Variants in ZNF385D observed in about 807,000 individuals in gnomAD.
ZNF385D encodes zinc finger protein 659.
Under a neutral mutation model 35.8 loss-of-function variants are expected in ZNF385D, and 15 were observed. The observed-to-expected ratio is 0.42, with a 90% CI of 0.28 to 0.64. ZNF385D has a LOEUF of 0.64. Among genes scored for constraint, ZNF385D ranks in the 30% least tolerant of loss-of-function variants. The pLI is 0.23. For missense variants in ZNF385D, 474 were observed against 494.6 expected (o/e 0.96, Z 0.39); for synonymous variants, 212 against 186.8 (o/e 1.13, Z -1.10).
intron 3 of ZNF385D, among the ~76,000 whole-genome samples, chr3:22,022,019 G>A (rs1429755141): frequency 6.6e-6 from 1 of 152,060 alleles, no homozygotes; most frequent in African/African-American, 2.4e-5. Context: ...ACAGAATAAA[G>A]GCTACGTGGT....
At chr3:21,714,936 T>C (rs147127866) in intron 1 of ZNF385D, among the ~76,000 whole-genome samples, 93 of 152,342 alleles carry the variant, frequency 6.1e-4, no homozygotes, top group African/African-American at 1.9e-3. Flanking sequence ...TCTCACATAG[T>C]TACCCTCTGC....
intron 2 of ZNF385D, among the ~76,000 whole-genome samples, chr3:22,298,015 G>T (rs1702685594): frequency 6.6e-6 from 1 of 151,970 alleles, no homozygotes; most frequent in South Asian, 2.1e-4. Flanking sequence ...TGATCAATTT[G>T]GGGGAATATA....
At chr3:22,192,973 G>T (rs1447539048) in intron 2 of ZNF385D, among the ~76,000 whole-genome samples, 1 of 152,034 alleles carries the variant, frequency 6.6e-6, no homozygotes, top group Non-Finnish European at 1.5e-5. Flanking sequence ...TTTGACAAAG[G>T]TCTATTTAAT....
At chr3:22,012,686 C>T (rs574762897) in intron 3 of ZNF385D, among the ~76,000 whole-genome samples, 6 of 152,180 alleles carry the variant, frequency 3.9e-5, no homozygotes, top group African/African-American at 1.4e-4. Context: ...AGTATAATGA[C>T]TATTTCTAGT....
intron 3 of ZNF385D, among the ~76,000 whole-genome samples, chr3:21,836,172 C>A (rs1695317585): frequency 3.3e-5 from 1 of 30,228 alleles, no homozygotes; most frequent in Non-Finnish European, 6.0e-5. Context: ...ATTGTTTAGT[C>A]TTCTGACTCT....
intron 3 of ZNF385D, among the ~76,000 whole-genome samples, chr3:21,861,469 G>A (rs918203257): frequency 6.6e-6 from 1 of 152,034 alleles, no homozygotes; most frequent in Non-Finnish European, 1.5e-5. Flanking sequence ...TCTTGTGTGA[G>A]GAGTGCAAAT....
chr3:21,804,952 T>A lies in ZNF385D; in HGVS notation c.326-139924A>T, dbSNP rs541502032. The stretch of plus-strand genomic sequence containing the variant: ...ATTATTTCTTATGACTAGAAAAGCA[T>A]TCAAATATCCTTGCCCTGGGCAGAA... On this transcript the variant is annotated intron_variant, in intron 3 of 5. Coordinates refer to the ZNF385D transcript ENST00000494108. 3.3e-4 allele frequency among the ~76,000 whole-genome samples: 51 copies of A among 152,322 alleles called. 1 individual carries two copies. In the South Asian group the frequency reaches 9.9e-3, roughly 30 times the overall value.
At position 21,988,689 on chromosome 3, in the gene ZNF385D, G is replaced by T. The variant is rs751543493; in HGVS notation, c.325+180128C>A. ...AGGCAGGCCTCCTTGAGCTGTGGTG[G>T]GCTCCACCCAGTTGGAGCTTCCTGG... On this transcript the variant is annotated intron_variant, in intron 3 of 5. Coordinates refer to the ZNF385D transcript ENST00000494108. Among the ~76,000 whole-genome samples, 809 of 151,616 alleles carry T rather than the reference G, an allele frequency of 5.3e-3. 1 individual carries two copies. The highest frequency in any genetic ancestry group is 9.4e-3 in the Non-Finnish European group (635 of 67,774).
intron 3 of ZNF385D, among the ~76,000 whole-genome samples, chr3:21,757,238 T>C (rs1384332666): frequency 6.7e-6 from 1 of 149,466 alleles, no homozygotes; most frequent in Admixed American, 6.8e-5. Context: ...TTCAAGCGAT[T>C]CTCGTGCCTC....
chr3:21,941,835 T>G (rs903450010), intron 3 of ZNF385D, among the ~76,000 whole-genome samples: 39 of 152,074 alleles, frequency 2.6e-4, no homozygotes, highest in Non-Finnish European at 3.8e-4. Context: ...CATTCTACAA[T>G]TAATTTGAGG....
At chr3:21,473,006 C>T (rs970125827) in intron 4 of ZNF385D, among the ~76,000 whole-genome samples, 3 of 152,116 alleles carry the variant, frequency 2.0e-5, no homozygotes, top group East Asian at 1.9e-4. Context: ...TATTCCCACA[C>T]TGTTCCAAGT....
intron 2 of ZNF385D, among the ~76,000 whole-genome samples, chr3:22,277,943 A>G (rs982042985): frequency 5.9e-5 from 9 of 152,060 alleles, no homozygotes; most frequent in African/African-American, 1.9e-4. Flanking sequence ...TCTCTCTAAA[A>G]TATGTTTAGT....
chr3:21,746,422 G>C (rs1469647760), intron 1 of ZNF385D, among the ~76,000 whole-genome samples: 1 of 152,174 alleles, frequency 6.6e-6, no homozygotes, highest in African/African-American at 2.4e-5. Flanking sequence ...AGATTAAAAA[G>C]AGAATAGTCT....
intron 3 of ZNF385D, among the ~76,000 whole-genome samples, chr3:22,161,529 G>A (rs994938746): frequency 6.6e-6 from 1 of 151,978 alleles, no homozygotes; most frequent in South Asian, 2.1e-4. Context: ...TTATGAGAGG[G>A]TGAATCATGA....
At chr3:21,893,730 C>T (rs1486393) in intron 3 of ZNF385D, among the ~76,000 whole-genome samples, 27,744 of 152,030 alleles carry the variant, frequency 0.18, 3,041 homozygotes, top group East Asian at 0.39. Context: ...ATTTCCCTCT[C>T]GTCAAGTCTA....
chr3:21,761,216 G>T (rs746946678), intron 3 of ZNF385D, among the ~76,000 whole-genome samples: 2 of 152,138 alleles, frequency 1.3e-5, no homozygotes, highest in African/African-American at 4.8e-5. Context: ...AGCCATGATC[G>T]ATATTTTAGT....
At chr3:21,578,776 A>T (rs1185167860) in intron 2 of ZNF385D, among the ~76,000 whole-genome samples, 1 of 152,142 alleles carries the variant, frequency 6.6e-6, no homozygotes, top group East Asian at 1.9e-4. Context: ...TAACGCCTCC[A>T]GCTTTGTTCT....
intron 2 of ZNF385D, among the ~76,000 whole-genome samples, chr3:22,298,574 C>CACACACACAT (rs1472346763): frequency 5.6e-5 from 8 of 144,092 alleles, no homozygotes; most frequent in Non-Finnish European, 9.1e-5. Flanking sequence ...CACACACACA[C>CACACACACAT]ATATATGTAT....
intron 3 of ZNF385D, among the ~76,000 whole-genome samples, chr3:21,777,070 C>A (rs1404934607): frequency 6.6e-6 from 1 of 151,938 alleles, no homozygotes; most frequent in Non-Finnish European, 1.5e-5. Flanking sequence ...GACCGTGTTG[C>A]CAATAATGTC....
Sources: allele counts gnomAD v4.1 joint callset (sites outside exome capture counted in the v4.1 genomes callset), GRCh38; gene constraint gnomAD v4.1.1; transcripts MANE v1.5; gene names NCBI Gene and HGNC (gene_info 2026-07-23, HGNC 2026-07-21).